The following TENM4 variants were observed in gnomAD, a reference collection of about 807,000 sequenced individuals.
TENM4 encodes teneurin transmembrane protein 4, also known as teneurin-4.
TENM4 carries 82 observed loss-of-function variants against 243.3 expected under a neutral mutation model. That is an observed-to-expected ratio of 0.34 (90% CI 0.28 to 0.40). The LOEUF is 0.40. TENM4 is among the 10% of genes least tolerant of loss of function. The pLI is 1.00. For missense variants in TENM4, 3,138 were observed against 3,673.3 expected (o/e 0.85, Z 3.77); for synonymous variants, 1,412 against 1,456.3 (o/e 0.97, Z 0.69).
intron 27 of TENM4, among the ~76,000 whole-genome samples, chr11:78,704,032 TATAC>T (rs1242832183): frequency 2.3e-4 from 31 of 136,592 alleles, no homozygotes; most frequent in South Asian, 6.5e-4. Context: ...CACATATATA[TATAC>T]ACACACACAC....
intron 3 of TENM4, among the ~76,000 whole-genome samples, chr11:79,184,522 G>C (rs1863347309): frequency 6.7e-6 from 1 of 148,562 alleles, no homozygotes; most frequent in Non-Finnish European, 1.5e-5. Context: ...TACTGGTACT[G>C]GTCCATGGCA....
At chr11:79,261,822 C>A (rs928400464) in intron 2 of TENM4, among the ~76,000 whole-genome samples, 1 of 152,134 alleles carries the variant, frequency 6.6e-6, no homozygotes, top group African/African-American at 2.4e-5. Context: ...CCCCCAGAGA[C>A]AAATACTGGG....
At chr11:78,666,052 A>ATTTT (rs34566831) in intron 32 of TENM4, among the ~76,000 whole-genome samples, 1 of 150,796 alleles carries the variant, frequency 6.6e-6, no homozygotes, top group Non-Finnish European at 1.5e-5. Flanking sequence ...GAAAAAAAGA[A>ATTTT]TTTTTTTTTT....
At chr11:78,756,783 G>C in intron 19 of TENM4, 22 bp downstream of exon 19, 1 of 1,602,214 alleles carries the variant, frequency 6.2e-7, no homozygotes, top group East Asian at 2.2e-5. Flanking sequence ...GCCCTGGCTG[G>C]AGCTGGGGCC....
At chr11:78,683,637 C>T (rs888157308) in intron 29 of TENM4, among the ~76,000 whole-genome samples, 7 of 142,002 alleles carry the variant, frequency 4.9e-5, no homozygotes, top group Admixed American at 3.5e-4. Flanking sequence ...TGCTTCGGCT[C>T]GCGCACGGTG....
rs141589508 is a variant in TENM4, at chr11:79,275,406, G to C, written c.-265+22082C>G. ...TGTGCAAAAGATGCCTGTAGGCAAA[G>C]CAGGGCAAGCATGTTTCTGTGCCAG... is the stretch of plus-strand genomic sequence containing the variant. On this transcript the variant is annotated intron_variant, in intron 2 of 33. Transcript: ENST00000278550. 1.6e-3 allele frequency among the ~76,000 whole-genome samples: 250 copies of C among 152,334 alleles called. 1 individual carries two copies. The highest frequency in any genetic ancestry group is 5.8e-3 in the African/African-American group (241 of 41,576).
intron 6 of TENM4, among the ~76,000 whole-genome samples, chr11:79,050,152 A>G (rs1260180015): frequency 6.6e-6 from 1 of 152,202 alleles, no homozygotes; most frequent in Non-Finnish European, 1.5e-5. Context: ...AATGTCAGGT[A>G]TTAAAGGGCA....
At chr11:78,961,677 G>A (rs975224261) in intron 6 of TENM4, among the ~76,000 whole-genome samples, 2 of 152,162 alleles carry the variant, frequency 1.3e-5, no homozygotes, top group Non-Finnish European at 2.9e-5. Flanking sequence ...TTTTTCCAGT[G>A]AAAATGGGGA....
intron 12 of TENM4, among the ~76,000 whole-genome samples, chr11:78,845,107 C>G (rs1349193512): frequency 1.3e-5 from 2 of 152,196 alleles, no homozygotes; most frequent in African/African-American, 4.8e-5. Flanking sequence ...ATGGAGCTCC[C>G]ACAGACCCCT....
chr11:78,810,807 A>G (rs1354540380), intron 14 of TENM4, among the ~76,000 whole-genome samples: 9 of 152,230 alleles, frequency 5.9e-5, no homozygotes, highest in African/African-American at 1.9e-4. Flanking sequence ...GCTCTCTGTT[A>G]AACAGTAAAT....
chr11:78,756,785 G>T lies in TENM4; in HGVS notation c.2756+20C>A, dbSNP rs751017093. 5 of 1,604,108 alleles carry T rather than the reference G, an allele frequency of 3.1e-6. No homozygotes were observed. The highest frequency in any genetic ancestry group is 4.3e-6 in the Non-Finnish European group (5 of 1,174,816). ...TCTCCCTCAGAGAGCCCTGGCTGGA[G>T]CTGGGGCCCTCGGACTCACCCTCCA... On this transcript the variant is annotated intron_variant, in intron 19 of 33. Transcript: ENST00000278550.
intron 19 of TENM4, among the ~76,000 whole-genome samples, chr11:78,749,622 C>T (rs1856135131): frequency 6.6e-6 from 1 of 152,142 alleles, no homozygotes. Flanking sequence ...GCTTTAGGTT[C>T]ACAGTGGGCT....
At chr11:78,687,703 C>G (rs1361888069) in intron 29 of TENM4, among the ~76,000 whole-genome samples, 1 of 152,084 alleles carries the variant, frequency 6.6e-6, no homozygotes, top group East Asian at 1.9e-4. Context: ...CATAATTATG[C>G]GTAATTATTT....
intron 4 of TENM4, among the ~76,000 whole-genome samples, chr11:79,129,319 G>C (rs1209216941): frequency 6.6e-6 from 1 of 152,218 alleles, no homozygotes; most frequent in Non-Finnish European, 1.5e-5. Flanking sequence ...TCCACAGGGA[G>C]AAGGAAATCT....
chr11:79,159,155 T>C (rs1197234934), intron 3 of TENM4, among the ~76,000 whole-genome samples: 2 of 152,196 alleles, frequency 1.3e-5, no homozygotes, highest in Non-Finnish European at 2.9e-5. Context: ...GGGCTCTACA[T>C]GGCCCTCATC....
intron 2 of TENM4, among the ~76,000 whole-genome samples, chr11:79,242,663 G>T (rs1855445662): frequency 6.6e-6 from 1 of 152,176 alleles, no homozygotes; most frequent in Admixed American, 6.5e-5. Context: ...CTCTATGAAT[G>T]AACCATAATT....
At chr11:79,388,267 G>C (rs1398337473) in intron 1 of TENM4, among the ~76,000 whole-genome samples, 1 of 152,184 alleles carries the variant, frequency 6.6e-6, no homozygotes, top group Non-Finnish European at 1.5e-5. Flanking sequence ...AATGCAGTGG[G>C]ATGCTGCATG....
At chr11:79,383,920 C>G (rs562826368) in intron 1 of TENM4, among the ~76,000 whole-genome samples, 1 of 152,320 alleles carries the variant, frequency 6.6e-6, no homozygotes, top group East Asian at 1.9e-4. Context: ...TGCCCTTCAG[C>G]ACTGCCAGAA....
At chr11:79,074,567 C>T (rs1860489866) in intron 4 of TENM4, among the ~76,000 whole-genome samples, 1 of 152,228 alleles carries the variant, frequency 6.6e-6, no homozygotes, top group South Asian at 2.1e-4. Context: ...CTTCCTCTGG[C>T]TGCCACAGAG....
Sources: allele counts gnomAD v4.1 joint callset (sites outside exome capture counted in the v4.1 genomes callset), GRCh38; gene constraint gnomAD v4.1.1; transcripts MANE v1.5; gene names NCBI Gene and HGNC (gene_info 2026-07-23, HGNC 2026-07-21).